Variants in AGL observed in about 807,000 individuals in gnomAD.
AGL encodes amylo-alpha-1,6-glucosidase and 4-alpha-glucanotransferase.
In AGL, 128 loss-of-function variants were observed where a neutral mutation model predicts 199.3. That is an observed-to-expected ratio of 0.64 (90% CI 0.56 to 0.74). The LOEUF (loss-of-function observed/expected upper bound fraction) is 0.74, where lower values mean the gene tolerates loss of function less well. AGL is among the 30% of genes least tolerant of loss of function. The pLI, the probability that AGL is intolerant of heterozygous loss-of-function variation, is 0.00. For synonymous variants in AGL, 584 were observed against 594.7 expected, an observed-to-expected ratio of 0.98 and a Z score of 0.26; for missense variants, 1,809 against 1,820.8, an observed-to-expected ratio of 0.99 and a Z score of 0.12.
At position 99,880,714 on chromosome 1, in the gene AGL, G is replaced by A; in HGVS notation, c.1818G>A (p.Gln606=). 6.2e-7 allele frequency: 1 copy of A among 1,614,020 alleles called. No homozygotes were observed. Among genetic ancestry groups the A allele is most frequent in the Non-Finnish European group, 8.5e-7 (1 of 1,179,944 alleles). The part of the protein sequence containing the change: ...YGGEPVGSFV[Q]PCLRPLMPAI... Reference sequence around the variant, plus strand: ...GAGAACCTGTTGGATCCTTTGTTCAGCCCTGTTTGAGGCCTTTAATGCCAG... The same window carrying A: ...GAGAACCTGTTGGATCCTTTGTTCAACCCTGTTTGAGGCCTTTAATGCCAG... The change falls in exon 14 of 34, where the codon CAG becomes CAA. Residue 606 remains glutamine (Q), a synonymous_variant. Coordinates refer to ENST00000361915, the MANE Select transcript of AGL (RefSeq NM_000642.3).
At position 99,896,322 on chromosome 1, in the gene AGL, G is replaced by T; in HGVS notation, c.3296G>T (p.Trp1099Leu). The change falls in exon 25 of 34, where the codon TGG (tryptophan) becomes TTG (leucine). Residue 1099 changes from tryptophan to leucine, a missense_variant. By Grantham distance (61) the Trp-to-Leu change is moderately conservative. Transcript: ENST00000361915. The part of the protein sequence containing the change: ...PHFSSGIFRC[W>L]GRDTFIALRG... ...TTTTCTTCTGGTATTTTCCGCTGCT[G>T]GGGAAGGGATACTTTTATTGCACTT... The T allele has an allele frequency of 6.2e-7, 1 of 1,613,926 alleles. No homozygotes were observed. The highest frequency in any genetic ancestry group is 8.5e-7 in the Non-Finnish European group (1 of 1,179,962).
intron 14 of AGL, 33 bp downstream of exon 14, chr1:99,880,828 T>C: frequency 1.2e-6 from 2 of 1,610,494 alleles, no homozygotes; most frequent in Non-Finnish European, 1.7e-6. Context: ...GTACTTATTT[T>C]GCTAAATGCT....
At chr1:99,908,845 A>G (rs1448609014) in intron 27 of AGL, among the ~76,000 whole-genome samples, 1 of 151,994 alleles carries the variant, frequency 6.6e-6, no homozygotes, top group Admixed American at 6.5e-5. Flanking sequence ...AATATTTAGC[A>G]AGGTTATTCT....
At position 99,880,119 on chromosome 1, in the gene AGL, T is replaced by C. The variant is rs1434038638; in HGVS notation, c.1735+73T>C. The C allele has an allele frequency of 5.7e-6, 9 of 1,586,538 alleles. No individual in the cohort carries two copies. In the African/African-American group the frequency reaches 8.1e-5, roughly 14 times the overall value. On this transcript the variant is annotated intron_variant, in intron 13 of 33. Coordinates refer to ENST00000361915, the MANE Select transcript of AGL (RefSeq NM_000642.3). ...AAGTAGATTAAAGGATTTAATAGCTTCATATGCAATGCTTAATAATTTTTT... is the reference window on the plus strand; with the variant it reads ...AAGTAGATTAAAGGATTTAATAGCTCCATATGCAATGCTTAATAATTTTTT...
At chr1:99,870,298 A>G in intron 5 of AGL, 102 bp from the exon 6 acceptor site, 1 of 1,253,782 alleles carries the variant, frequency 8.0e-7, no homozygotes, top group African/African-American at 1.5e-5. Context: ...ATAGAAAAAA[A>G]TGAGTGGTAG....
intron 7 of AGL, chr1:99,874,474 C>T: frequency 3.9e-6 from 2 of 511,922 alleles, no homozygotes; most frequent in Non-Finnish European, 6.9e-6. Flanking sequence ...TTTCTTTCTC[C>T]CCCACACCCC....
chr1:99,915,270 AT>A (rs775363766), intron 30 of AGL, 118 bp from the exon 31 acceptor site: 22 of 844,502 alleles, frequency 2.6e-5, no homozygotes, highest in Non-Finnish European at 4.2e-5. Flanking sequence ...CTACACTCAA[AT>A]TCTGACCCTC....
In AGL at chr1:99,887,969, A is replaced by C; in HGVS notation, c.2682-9A>C. On this transcript the variant is annotated splice_polypyrimidine_tract_variant and intron_variant, in intron 20 of 33. Coordinates refer to ENST00000361915, the MANE Select transcript of AGL (RefSeq NM_000642.3). ...CAATATATGGTTATCTTTATTTTCC[A>C]ATTCTTAGTCTTGCCTCCAGATTAA... The C allele has an allele frequency of 6.2e-7, 1 of 1,613,002 alleles. No homozygotes were observed. Among genetic ancestry groups the C allele is most frequent in the Non-Finnish European group, 8.5e-7 (1 of 1,179,346 alleles).
chr1:99,890,650 A>AT (rs1553188445), intron 21 of AGL, among the ~76,000 whole-genome samples: 2,682 of 76,060 alleles, frequency 0.035, 61 homozygotes, highest in African/African-American at 0.085. Context: ...AGAAAAAAAA[A>AT]ATATATATAT....
At chr1:99,891,488 A>G (rs1476346323) in intron 22 of AGL, 118 bp from the exon 23 acceptor site, 4 of 1,509,712 alleles carry the variant, frequency 2.6e-6, no homozygotes, top group East Asian at 2.3e-5. Flanking sequence ...TTCAGTTATA[A>G]TAAATGGAAA....
intron 5 of AGL, 58 bp downstream of exon 5, chr1:99,864,647 T>A: frequency 1.4e-6 from 2 of 1,399,032 alleles, no homozygotes; most frequent in East Asian, 2.3e-5. Context: ...CACACACACA[T>A]ATACACACAA....
chr1:99,910,987 C>T, intron 28 of AGL, 140 bp downstream of exon 28: 2 of 836,348 alleles, frequency 2.4e-6, no homozygotes, highest in Non-Finnish European at 3.9e-6. Flanking sequence ...TTCATCTCCC[C>T]ATTATACATT....
At position 99,902,754 on chromosome 1, in the gene AGL, G is replaced by A. The variant is rs1168024708; in HGVS notation, c.3660G>A (p.Arg1220=). 9 of 1,613,514 alleles carry A rather than the reference G, an allele frequency of 5.6e-6. No individual in the cohort carries two copies. The highest frequency in any genetic ancestry group is 7.6e-6 in the Non-Finnish European group (9 of 1,179,586). Reference sequence around the variant, plus strand: ...TGCAGGGCATACAGTTCCGAGAAAGGAATGCTGGTCCCCAGATAGATCGAA... The same window carrying A: ...TGCAGGGCATACAGTTCCGAGAAAGAAATGCTGGTCCCCAGATAGATCGAA... ...KHMQGIQFRE[R]NAGPQIDRNM... The change falls in exon 27 of 34, where the codon AGG becomes AGA. Residue 1220 remains arginine (R), a synonymous_variant. Coordinates refer to ENST00000361915, the MANE Select transcript of AGL (RefSeq NM_000642.3).
intron 22 of AGL, 106 bp from the exon 23 acceptor site, chr1:99,891,500 C>A: frequency 6.6e-7 from 1 of 1,519,490 alleles, no homozygotes; most frequent in Non-Finnish European, 9.1e-7. Context: ...AAATGGAAAT[C>A]GGGTTTATAG....
rs776872571 is a variant in AGL at position 99,913,677 on chromosome 1, G to A, written c.4100G>A (p.Gly1367Glu). 18 of 1,613,956 alleles carry A rather than the reference G, an allele frequency of 1.1e-5. No homozygotes were observed. Among genetic ancestry groups the A allele is most frequent in the Middle Eastern group, 1.6e-4 (1 of 6,082 alleles). Reference protein sequence around the residue: ...HKRGIYKDSYGASSPWCDYQL... With the variant: ...HKRGIYKDSYEASSPWCDYQL... ...CGTGGCATATACAAAGATAGTTATG[G>A]AGCTTCAAGTCCTTGGTGTGACTAT... Residue 1367 changes from glycine (G) to glutamate (E), a missense_variant, in exon 30 of 34, where the codon GGA (glycine) becomes GAA (glutamate). Physicochemically the swap from Gly to Glu is moderately conservative, Grantham distance 98. Transcript: ENST00000361915.
At chr1:99,861,346 G>T in intron 2 of AGL, 157 bp from the exon 3 acceptor site, 1 of 1,502,964 alleles carries the variant, frequency 6.7e-7, no homozygotes, top group South Asian at 1.3e-5. Flanking sequence ...AGCTAAATTG[G>T]AATACAAAGT....
chr1:99,920,942 A>G (rs1396855937), intron 33 of AGL, among the ~76,000 whole-genome samples: 1 of 152,200 alleles, frequency 6.6e-6, no homozygotes, highest in Non-Finnish European at 1.5e-5. Context: ...TTACCTCTCT[A>G]TAGATAGGAA....
intron 5 of AGL, 114 bp from the exon 6 acceptor site, chr1:99,870,286 A>G (rs777218855): frequency 4.9e-5 from 55 of 1,116,442 alleles, no homozygotes; most frequent in African/African-American, 1.6e-4. Flanking sequence ...TTGATGTCCA[A>G]TATAGAAAAA....
intron 17 of AGL, among the ~76,000 whole-genome samples, chr1:99,882,868 C>T (rs1415398490): frequency 6.6e-6 from 1 of 152,060 alleles, no homozygotes; most frequent in African/African-American, 2.4e-5. Context: ...TGCATAGTTC[C>T]GGTTTTTAAA....
Sources: allele counts gnomAD v4.1 joint callset (sites outside exome capture counted in the v4.1 genomes callset), GRCh38; gene constraint gnomAD v4.1.1; transcripts MANE v1.5; gene names NCBI Gene and HGNC (gene_info 2026-07-23, HGNC 2026-07-21).